Variants in SLC39A9 observed in about 807,000 individuals in gnomAD.
SLC39A9 encodes the protein solute carrier family 39 member 9.
SLC39A9 carries 14 observed loss-of-function variants against 28.4 expected under a neutral mutation model. The observed-to-expected ratio is 0.49, with a 90% CI of 0.33 to 0.77. The LOEUF (loss-of-function observed/expected upper bound fraction) is 0.77. Among genes scored for constraint, SLC39A9 ranks in the 30% least tolerant of loss-of-function variants. The probability of loss-of-function intolerance (pLI) is 0.02; values close to 1 mark genes in which losing one functional copy is unlikely to be tolerated. For missense variants in SLC39A9, 283 were observed against 381.1 expected (o/e 0.74, Z 2.14); for synonymous variants, 119 against 149.6 (o/e 0.80, Z 1.49).
At position 69,459,556 on chromosome 14, in the gene SLC39A9, G is replaced by T. The variant is rs71446391; in HGVS notation, c.*963G>T. 24,589 of 857,638 alleles carry T rather than the reference G, an allele frequency of 0.029. 124 individuals carry two copies. The highest frequency in any genetic ancestry group is 0.031 in the Non-Finnish European group (22,587 of 721,426). 53.1% of individuals were successfully genotyped at this position (857,638 alleles called of 1,614,324 possible). A position where few individuals can be genotyped will look rare whatever the true frequency, so the allele number is the denominator to read the frequency against. On this transcript the variant is annotated 3_prime_UTR_variant, in exon 7 of 7. Transcript: ENST00000336643. ...AAATGTATGGTTGTCCTTTTTTTTT[G>T]TTTTTTTTTTTTTTAATTATTTCTC...
At chr14:69,456,504 C>T (rs532453147) in intron 6 of SLC39A9, among the ~76,000 whole-genome samples, 230 of 152,134 alleles carry the variant, frequency 1.5e-3, no homozygotes, top group Non-Finnish European at 2.0e-3. Flanking sequence ...CTCTCACGTC[C>T]CCAGATAGTA....
intron 1 of SLC39A9, among the ~76,000 whole-genome samples, chr14:69,416,899 A>C (rs1008986104): frequency 2.0e-4 from 31 of 152,094 alleles, no homozygotes. Context: ...TAGATGCAAA[A>C]ATTTTCTCCC....
At position 69,461,504 on chromosome 14, in the gene SLC39A9, C is replaced by T. The variant is rs566592585; in HGVS notation, c.*2911C>T. The T allele has an allele frequency of 1.5e-4, 212 of 1,430,658 alleles. No individual in the cohort carries two copies. In the African/African-American group the frequency reaches 2.1e-3, roughly 14 times the overall value. The allele number at this position is 1,430,658 out of a possible 1,614,324, so 88.6% of individuals were successfully genotyped here. On this transcript the variant is annotated 3_prime_UTR_variant, in exon 7 of 7. Coordinates refer to ENST00000336643, the MANE Select transcript of SLC39A9 (RefSeq NM_018375.5). ...AGGTTATGTGTTTTCTCTTTCTCCC[C>T]GCTTTCACCTCTTTCTTTCCCAATT...
At chr14:69,402,975 A>T (rs188491253) in intron 1 of SLC39A9, among the ~76,000 whole-genome samples, 4 of 152,118 alleles carry the variant, frequency 2.6e-5, no homozygotes, top group Non-Finnish European at 5.9e-5. Context: ...CCAGCTACTC[A>T]GGAGGCTGAG....
chr14:69,417,900 C>T (rs1883664380), intron 1 of SLC39A9, among the ~76,000 whole-genome samples: 1 of 152,268 alleles, frequency 6.6e-6, no homozygotes, highest in Admixed American at 6.5e-5. Flanking sequence ...AATATACAGT[C>T]ATGTCATCTG....
chr14:69,406,848 GTTTT>G (rs398025544), intron 1 of SLC39A9, among the ~76,000 whole-genome samples: 1 of 95,892 alleles, frequency 1.0e-5, no homozygotes, highest in Non-Finnish European at 1.9e-5. Context: ...GAAATTCTTT[GTTTT>G]TTTTTTTTTT....
intron 1 of SLC39A9, among the ~76,000 whole-genome samples, chr14:69,405,576 C>A (rs546147050): frequency 6.6e-6 from 1 of 152,240 alleles, no homozygotes; most frequent in South Asian, 2.1e-4. Flanking sequence ...ACAAGTGAGA[C>A]CCTGTCTCAG....
chr14:69,422,254 G>T (rs755911362), intron 1 of SLC39A9, among the ~76,000 whole-genome samples: 2 of 151,954 alleles, frequency 1.3e-5, no homozygotes, highest in Non-Finnish European at 2.9e-5. Context: ...ATTCCCTTGT[G>T]GTTTTGTTTA....
In SLC39A9 at chr14:69,459,688, T is replaced by C. The variant is rs1886033893; in HGVS notation, c.*1095T>C. 1 of 985,082 alleles carries C rather than the reference T, an allele frequency of 1.0e-6. No individual in the cohort carries two copies. Among genetic ancestry groups the C allele is most frequent in the Non-Finnish European group, 1.2e-6 (1 of 829,780 alleles). 61.0% of individuals were successfully genotyped at this position (985,082 alleles called of 1,614,324 possible). A position where few individuals can be genotyped will look rare whatever the true frequency, so the allele number is the denominator to read the frequency against. ...AGCAAGATGGATCATAAATGAGAAG[T>C]GTTTGCCTATTGATTTAAAGCTTAT... On this transcript the variant is annotated 3_prime_UTR_variant, in exon 7 of 7. Transcript: ENST00000336643.
At position 69,460,013 on chromosome 14, in the gene SLC39A9, G is replaced by A; in HGVS notation, c.*1420G>A. The stretch of plus-strand genomic sequence containing the variant: ...TCTGGTAATTTAAACAATTGAGATA[G>A]CAAAAGTGTTTAACAGACTAGGATA... On this transcript the variant is annotated 3_prime_UTR_variant, in exon 7 of 7. Coordinates refer to ENST00000336643, the MANE Select transcript of SLC39A9 (RefSeq NM_018375.5). 1.0e-6 allele frequency: 1 copy of A among 984,958 alleles called. No homozygotes were observed. The highest frequency in any genetic ancestry group is 1.2e-6 in the Non-Finnish European group (1 of 829,208). The allele number at this position is 984,958 out of a possible 1,614,324, so 61.0% of individuals were successfully genotyped here.
chr14:69,418,615 C>T (rs184922738), intron 1 of SLC39A9, among the ~76,000 whole-genome samples: 8 of 152,168 alleles, frequency 5.3e-5, no homozygotes, highest in South Asian at 2.1e-4. Flanking sequence ...TGCTAGAATT[C>T]GGCCGTGAAT....
rs1457281311 is a variant in SLC39A9 at position 69,442,279 on chromosome 14, A to C, written c.403+13A>C. ...CATTCTACTGACGGTGAGTGGCTCC[A>C]AGGCTTTCTGGGCAGTGCAATACAT... On this transcript the variant is annotated intron_variant, in intron 3 of 6. Coordinates refer to ENST00000336643, the MANE Select transcript of SLC39A9 (RefSeq NM_018375.5). 1.2e-6 allele frequency: 2 copies of C among 1,613,154 alleles called. No homozygotes were observed. The highest frequency in any genetic ancestry group is 3.3e-5 in the Admixed American group (2 of 60,022).
intron 1 of SLC39A9, among the ~76,000 whole-genome samples, chr14:69,401,120 A>G (rs1477158363): frequency 6.6e-6 from 1 of 152,210 alleles, no homozygotes; most frequent in Admixed American, 6.5e-5. Context: ...GTTCGTAGCC[A>G]CTAAGCATTT....
chr14:69,427,207 T>C lies in SLC39A9; in HGVS notation c.205+3005T>C, dbSNP rs10146605. 3.7e-3 allele frequency among the ~76,000 whole-genome samples: 565 copies of C among 152,052 alleles called. 4 individuals are homozygous for C. The highest frequency in any genetic ancestry group is 0.013 in the African/African-American group (537 of 41,478). ...TTTATGGAGACAGGATTTCACCATG[T>C]TGCCCAGGCTGGTCTCGAACTCCTG... On this transcript the variant is annotated intron_variant, in intron 2 of 6. Coordinates refer to ENST00000336643, the MANE Select transcript of SLC39A9 (RefSeq NM_018375.5).
intron 6 of SLC39A9, among the ~76,000 whole-genome samples, chr14:69,457,756 G>A (rs1047628010): frequency 5.3e-5 from 8 of 152,162 alleles, no homozygotes; most frequent in African/African-American, 1.4e-4. Context: ...GAGCAGTGGC[G>A]CATACCTGTA....
At chr14:69,432,947 A>G (rs1884568856) in intron 2 of SLC39A9, among the ~76,000 whole-genome samples, 1 of 152,156 alleles carries the variant, frequency 6.6e-6, no homozygotes, top group Admixed American at 6.6e-5. Flanking sequence ...CTTATAGTGT[A>G]GTTTGAAATC....
At chr14:69,447,137 T>C (rs187431463) in intron 3 of SLC39A9, among the ~76,000 whole-genome samples, 23 of 152,284 alleles carry the variant, frequency 1.5e-4, no homozygotes, top group African/African-American at 5.5e-4. Context: ...TATTTCCTTA[T>C]TGGCTTCAAG....
intron 2 of SLC39A9, among the ~76,000 whole-genome samples, chr14:69,432,822 T>A (rs1404288443): frequency 6.6e-6 from 1 of 152,184 alleles, no homozygotes; most frequent in Non-Finnish European, 1.5e-5. Flanking sequence ...ATGGTCACTT[T>A]GTTGAAGATC....
At chr14:69,405,604 A>G (rs937807933) in intron 1 of SLC39A9, among the ~76,000 whole-genome samples, 7 of 152,204 alleles carry the variant, frequency 4.6e-5, no homozygotes, top group Non-Finnish European at 8.8e-5. Flanking sequence ...AACGTAAATT[A>G]TAAAATTTTA....
Sources: allele counts gnomAD v4.1 joint callset (sites outside exome capture counted in the v4.1 genomes callset), GRCh38; gene constraint gnomAD v4.1.1; transcripts MANE v1.5; gene names NCBI Gene and HGNC (gene_info 2026-07-23, HGNC 2026-07-21).